Variants in TMEM150C observed in about 807,000 individuals in gnomAD.
The protein encoded by TMEM150C is transmembrane protein 150C.
TMEM150C carries 10 observed loss-of-function variants against 29.9 expected under a neutral mutation model. The observed-to-expected ratio is 0.33, with a 90% CI of 0.21 to 0.57. TMEM150C has a LOEUF of 0.57. TMEM150C is among the 20% of genes least tolerant of loss of function. The probability of loss-of-function intolerance (pLI) is 0.88; values close to 1 mark genes in which losing one functional copy is unlikely to be tolerated. For missense variants in TMEM150C, 251 were observed against 303.6 expected (o/e 0.83, Z 1.29); for synonymous variants, 101 against 112.5 (o/e 0.90, Z 0.64).
intron 1 of TMEM150C, among the ~76,000 whole-genome samples, chr4:82,541,453 A>G (rs1329477944): frequency 2.0e-5 from 3 of 151,914 alleles, no homozygotes; most frequent in Non-Finnish European, 4.4e-5. Context: ...CAGAGAGGGG[A>G]AAAGAAAAGG....
chr4:82,506,374 T>C (rs1723921124), intron 1 of TMEM150C, among the ~76,000 whole-genome samples: 3 of 152,242 alleles, frequency 2.0e-5, no homozygotes, highest in Non-Finnish European at 2.9e-5. Flanking sequence ...CTTTCAACAG[T>C]TGTGCCTTTG....
At chr4:82,557,466 C>G (rs550160752) in intron 1 of TMEM150C, among the ~76,000 whole-genome samples, 2 of 152,244 alleles carry the variant, frequency 1.3e-5, no homozygotes, top group South Asian at 4.2e-4. Flanking sequence ...TCCTACCTTT[C>G]TCTGAACCTC....
chr4:82,498,632 A>G (rs1578125432), intron 5 of TMEM150C, among the ~76,000 whole-genome samples: 1 of 151,704 alleles, frequency 6.6e-6, no homozygotes, highest in Non-Finnish European at 1.5e-5. Context: ...TACTCTGAGA[A>G]CTCTCTGCTG....
chr4:82,552,079 G>A (rs1385780018), intron 1 of TMEM150C, among the ~76,000 whole-genome samples: 3 of 151,890 alleles, frequency 2.0e-5, no homozygotes, highest in Non-Finnish European at 4.4e-5. Flanking sequence ...CTCCTCTCTC[G>A]GCATGTGATT....
chr4:82,556,161 A>G (rs914188294), intron 1 of TMEM150C, among the ~76,000 whole-genome samples: 2 of 151,890 alleles, frequency 1.3e-5, no homozygotes, highest in Non-Finnish European at 2.9e-5. Context: ...TATTTTTAGT[A>G]GAGACGGGGT....
intron 1 of TMEM150C, among the ~76,000 whole-genome samples, chr4:82,525,866 C>A (rs1283204913): frequency 6.6e-6 from 1 of 151,896 alleles, no homozygotes; most frequent in African/African-American, 2.4e-5. Flanking sequence ...CTGCAAAGCC[C>A]ATTTCTTAGG....
intron 1 of TMEM150C, among the ~76,000 whole-genome samples, chr4:82,524,336 GA>G (rs913940464): frequency 6.6e-5 from 10 of 150,826 alleles, no homozygotes; most frequent in Admixed American, 2.0e-4. Context: ...TTTTTGTGTT[GA>G]AAAAAAAATC....
In TMEM150C at chr4:82,503,129, A is replaced by C; in HGVS notation, c.81-17T>G. ...ATGAAGTATCTATCAAAAAAGAATA[A>C]GTTTATAGAACAAAGAAATTGGAAA... On this transcript the variant is annotated splice_polypyrimidine_tract_variant and intron_variant, in intron 2 of 7. Transcript: ENST00000449862. 1 of 1,549,206 alleles carries C rather than the reference A, an allele frequency of 6.5e-7. No homozygotes were observed. Among genetic ancestry groups the C allele is most frequent in the Non-Finnish European group, 8.8e-7 (1 of 1,131,406 alleles).
intron 1 of TMEM150C, among the ~76,000 whole-genome samples, chr4:82,533,197 G>A (rs1724905957): frequency 6.6e-6 from 1 of 152,080 alleles, no homozygotes; most frequent in African/African-American, 2.4e-5. Flanking sequence ...ACATCTGCCT[G>A]ATTCCCTCAC....
intron 7 of TMEM150C, 124 bp downstream of exon 7, chr4:82,489,937 T>C (rs987829898): frequency 8.3e-6 from 8 of 959,722 alleles, no homozygotes; most frequent in Non-Finnish European, 1.1e-5. Context: ...TATACCTGTT[T>C]ACCTTTGCCT....
intron 6 of TMEM150C, among the ~76,000 whole-genome samples, chr4:82,491,991 GTGCAGTGGCACTCAGTTCACTGCAAT>G (rs113434056): frequency 0.013 from 2,023 of 151,076 alleles, 43 homozygotes; most frequent in African/African-American, 0.047. Flanking sequence ...CCAGGCTGGA[GTGCAGTGGCACTCAGTTCACTGCAAT>G]CTCTGTTTCC....
At chr4:82,488,062 A>G (rs989517193) in intron 7 of TMEM150C, among the ~76,000 whole-genome samples, 1 of 152,134 alleles carries the variant, frequency 6.6e-6, no homozygotes, top group African/African-American at 2.4e-5. Context: ...AGTGCACCCA[A>G]TTTGTAGTCT....
chr4:82,522,116 A>G (rs1167268039), intron 1 of TMEM150C, among the ~76,000 whole-genome samples: 1 of 152,212 alleles, frequency 6.6e-6, no homozygotes, highest in Non-Finnish European at 1.5e-5. Context: ...CTCCAAAACC[A>G]TAAAAACATG....
At chr4:82,553,028 T>G (rs1725632207) in intron 1 of TMEM150C, among the ~76,000 whole-genome samples, 1 of 152,212 alleles carries the variant, frequency 6.6e-6, no homozygotes, top group Non-Finnish European at 1.5e-5. Context: ...CTATTAAAAT[T>G]TGAATTAATC....
At chr4:82,502,492 T>C (rs1723766352) in intron 5 of TMEM150C, among the ~76,000 whole-genome samples, 1 of 152,112 alleles carries the variant, frequency 6.6e-6, no homozygotes, top group Non-Finnish European at 1.5e-5. Flanking sequence ...GTCAAGAGTA[T>C]CTGAAATGAT....
At chr4:82,527,152 C>G (rs1724682596) in intron 1 of TMEM150C, among the ~76,000 whole-genome samples, 1 of 150,882 alleles carries the variant, frequency 6.6e-6, no homozygotes, top group Non-Finnish European at 1.5e-5. Context: ...CACCTTGGCT[C>G]ACCTGATCTG....
intron 1 of TMEM150C, among the ~76,000 whole-genome samples, chr4:82,505,916 G>A (rs2110070846): frequency 6.6e-6 from 1 of 152,224 alleles, no homozygotes; most frequent in South Asian, 2.1e-4. Flanking sequence ...CGGAGACACT[G>A]GATGCCAACA....
chr4:82,496,283 T>C (rs935595696), intron 5 of TMEM150C, 88 bp from the exon 6 acceptor site: 2 of 1,326,930 alleles, frequency 1.5e-6, no homozygotes, highest in African/African-American at 1.5e-5. Context: ...TATTTTTTTA[T>C]GCTGCACTAT....
At chr4:82,515,363 A>T (rs1724257493) in intron 1 of TMEM150C, among the ~76,000 whole-genome samples, 1 of 152,184 alleles carries the variant, frequency 6.6e-6, no homozygotes, top group Non-Finnish European at 1.5e-5. Context: ...GAAGTATAGG[A>T]ATGGCTGGGT....
Sources: allele counts gnomAD v4.1 joint callset (sites outside exome capture counted in the v4.1 genomes callset), GRCh38; gene constraint gnomAD v4.1.1; transcripts MANE v1.5; gene names NCBI Gene and HGNC (gene_info 2026-07-23, HGNC 2026-07-21).